LRRC18: variants seen among roughly 807,000 people sequenced by gnomAD.
LRRC18 encodes leucine rich repeat containing 18.
LRRC18 carries 12 observed loss-of-function variants against 11.2 expected under a neutral mutation model. The ratio of observed to expected loss-of-function variants is 1.07; its 90% CI spans 0.69 to 1.74. The LOEUF is 1.74. Among genes scored for constraint, LRRC18 ranks in the 40% most tolerant of loss-of-function variants. The probability of loss-of-function intolerance (pLI) is 0.00; values close to 1 mark genes in which losing one functional copy is unlikely to be tolerated. For missense variants in LRRC18, 374 were observed against 330.5 expected (o/e 1.13, Z -1.02); for synonymous variants, 155 against 130.6 (o/e 1.19, Z -1.27).
chr10:48,923,175 C>T, the LRRC18 span, among the ~76,000 whole-genome samples: 1 of 152,142 alleles, frequency 6.6e-6, no homozygotes, highest in Admixed American at 6.5e-5. Context: ...ACAACCAGTT[C>T]TGCCCCTGAA....
chr10:48,939,835 T>C, the LRRC18 span, among the ~76,000 whole-genome samples: 21 of 152,298 alleles, frequency 1.4e-4, 1 homozygote, highest in East Asian at 2.3e-3. Context: ...TGATAGCCAA[T>C]GAAATGAGGA....
the LRRC18 span, among the ~76,000 whole-genome samples, chr10:48,933,324 A>G: frequency 1.3e-5 from 2 of 152,184 alleles, no homozygotes; most frequent in African/African-American, 4.8e-5. Context: ...TAGTCACTCC[A>G]CTTCACAGAT....
exon 2 of LRRC18, chr10:48,909,954 G>C: frequency 2.3e-6 from 1 of 434,450 alleles, no homozygotes; most frequent in South Asian, 3.8e-5. Context: ...TAAATATTTA[G>C]TTGTCTATAA....
At chr10:48,922,607 C>T in the LRRC18 span, among the ~76,000 whole-genome samples, 8 of 152,086 alleles carry the variant, frequency 5.3e-5, no homozygotes, top group Admixed American at 2.6e-4. Flanking sequence ...GGCATGTTTT[C>T]CTATAGGAAA....
the LRRC18 span, among the ~76,000 whole-genome samples, chr10:48,921,848 G>A: frequency 6.6e-6 from 1 of 152,124 alleles, no homozygotes; most frequent in Non-Finnish European, 1.5e-5. Flanking sequence ...TGCAACTAGA[G>A]TTCTCATTCC....
At chr10:48,913,119 AG>A (rs1157388859) in intron 1 of LRRC18, among the ~76,000 whole-genome samples, 5 of 152,346 alleles carry the variant, frequency 3.3e-5, no homozygotes, top group Admixed American at 3.3e-4. Context: ...GGGCAAGAGT[AG>A]GATGGACATG....
chr10:48,919,601 G>A, the LRRC18 span, among the ~76,000 whole-genome samples: 1 of 152,218 alleles, frequency 6.6e-6, no homozygotes, highest in Non-Finnish European at 1.5e-5. Flanking sequence ...CATCTGGTAA[G>A]AGCATGCTAC....
the LRRC18 span, among the ~76,000 whole-genome samples, chr10:48,937,242 T>A: frequency 3.3e-5 from 5 of 152,242 alleles, no homozygotes; most frequent in African/African-American, 1.2e-4. Flanking sequence ...GGCATAGTTG[T>A]ACCATAACAA....
the LRRC18 span, among the ~76,000 whole-genome samples, chr10:48,923,433 G>A: frequency 6.8e-6 from 1 of 147,464 alleles, no homozygotes; most frequent in African/African-American, 2.5e-5. Context: ...GCCAGATTTA[G>A]CAAATAAAAT....
At chr10:48,910,031 C>T in exon 2 of LRRC18, 6 of 546,582 alleles carry the variant, frequency 1.1e-5, no homozygotes, top group South Asian at 2.8e-5. Flanking sequence ...AAATATTTCC[C>T]AAAGTCATTT....
At chr10:48,931,812 C>T in the LRRC18 span, among the ~76,000 whole-genome samples, 1 of 152,198 alleles carries the variant, frequency 6.6e-6, no homozygotes, top group Admixed American at 6.5e-5. Context: ...TAGACACTGC[C>T]TCCAATAAGA....
At chr10:48,939,388 G>GGAT in the LRRC18 span, among the ~76,000 whole-genome samples, 1 of 152,196 alleles carries the variant, frequency 6.6e-6, no homozygotes, top group Non-Finnish European at 1.5e-5. Context: ...TGTGTTGCAA[G>GGAT]GATGATATGG....
At position 48,912,811 on chromosome 10, in the gene LRRC18, T is replaced by C. The variant is rs78223443; in HGVS notation, c.764+581A>G. On this transcript the variant is annotated intron_variant, in intron 1 of 1. Coordinates refer to ENST00000374160, the Ensembl canonical transcript of LRRC18. ...AGCTCATAGAGCAAGTTATGCAAGC[T>C]CAGTTCAGAGAGAAAACATTGCTTT... Among the ~76,000 whole-genome samples, 1,130 of 152,316 alleles carry C rather than the reference T, an allele frequency of 7.4e-3. 21 individuals carry two copies. Among genetic ancestry groups the C allele is most frequent in the African/African-American group, 0.026 (1,085 of 41,562 alleles).
chr10:48,937,969 C>T, the LRRC18 span, among the ~76,000 whole-genome samples: 1 of 152,222 alleles, frequency 6.6e-6, no homozygotes, highest in Non-Finnish European at 1.5e-5. Flanking sequence ...TCACACATTC[C>T]CTACCCAGGA....
At chr10:48,917,927 C>T (rs2663056), upstream of LRRC18, among the ~76,000 whole-genome samples, 30,934 of 152,124 alleles carry the variant, frequency 0.2, 3,506 homozygotes, top group Non-Finnish European at 0.26. Context: ...ATGTAGATGT[C>T]ATACATAAGA....
chr10:48,929,945 C>G, the LRRC18 span, among the ~76,000 whole-genome samples: 1 of 152,150 alleles, frequency 6.6e-6, no homozygotes, highest in Non-Finnish European at 1.5e-5. Context: ...CACTTCTCCT[C>G]CAATAGCATC....
At chr10:48,932,500 G>T in the LRRC18 span, 3 of 152,204 alleles carry the variant, frequency 2.0e-5, no homozygotes, top group East Asian at 3.8e-4. Flanking sequence ...AATCTCTAGA[G>T]CTGGCTACAG....
chr10:48,917,463 G>T (rs73296608), upstream of LRRC18, among the ~76,000 whole-genome samples: 1,973 of 152,222 alleles, frequency 0.013, 36 homozygotes, highest in African/African-American at 0.044. Context: ...TAATCAAACT[G>T]CTCCAAATTA....
At chr10:48,910,551 G>T (rs58115027) in intron 1 of LRRC18, among the ~76,000 whole-genome samples, 1 of 152,186 alleles carries the variant, frequency 6.6e-6, no homozygotes. Context: ...ATAGAATGCG[G>T]AAGATGCCTC....
Sources: gnomAD v4.1 joint callset for allele counts (sites outside exome capture counted in the v4.1 genomes callset) on GRCh38, gnomAD v4.1.1 for gene constraint, MANE v1.5 for transcripts, NCBI Gene and HGNC (gene_info 2026-07-23, HGNC 2026-07-21) for gene names.